PAM: variants seen among roughly 807,000 people sequenced by gnomAD.
PAM encodes the protein peptidyl-glycine alpha-amidating monooxygenase.
A neutral mutation model predicts 122.1 loss-of-function variants in PAM; 72 were observed. That is an observed-to-expected ratio of 0.59 (90% CI 0.49 to 0.72). The LOEUF (loss-of-function observed/expected upper bound fraction) is 0.72. Ranked by LOEUF, PAM falls within the 30% of genes least tolerant of loss-of-function variation. PAM has a pLI of 0.00. For missense variants in PAM, 1,106 were observed against 1,183.7 expected (o/e 0.93, Z 0.96); for synonymous variants, 389 against 404.4 (o/e 0.96, Z 0.46).
chr5:102,987,936 C>G (rs747471158), intron 15 of PAM, among the ~76,000 whole-genome samples: 1 of 152,134 alleles, frequency 6.6e-6, no homozygotes, highest in Non-Finnish European at 1.5e-5. Flanking sequence ...AAATTATTCC[C>G]TCTGTGCTTT....
At chr5:102,790,139 A>T (rs548442448) in intron 1 of PAM, among the ~76,000 whole-genome samples, 1 of 152,272 alleles carries the variant, frequency 6.6e-6, no homozygotes, top group Non-Finnish European at 1.5e-5. Context: ...TGTGCAAAAT[A>T]ATCAGCTTAA....
Position 102,882,082 on chromosome 5 carries a change from T to C in PAM, c.210+14689T>C, listed in dbSNP as rs1395001956. 6.0e-4 allele frequency among the ~76,000 whole-genome samples: 36 copies of C among 60,270 alleles called. 3 individuals carry two copies. The East Asian group carries it at 0.016, about 27-fold the overall frequency. The allele number at this position is 60,270 out of a possible 152,430, so 39.5% of individuals were successfully genotyped here. ...ATATATATATATATATATATATATATATATATATATATATATATATATATA... is the reference window on the plus strand; with the variant it reads ...ATATATATATATATATATATATATACATATATATATATATATATATATATA... On this transcript the variant is annotated intron_variant, in intron 3 of 25. Coordinates refer to ENST00000438793, the MANE Select transcript of PAM (RefSeq NM_001177306.2).
intron 14 of PAM, among the ~76,000 whole-genome samples, chr5:102,962,752 A>C (rs1480365524): frequency 6.6e-6 from 1 of 151,756 alleles, no homozygotes; most frequent in Non-Finnish European, 1.5e-5. Flanking sequence ...AGGATGTAGG[A>C]GGTGTTATAT....
At chr5:102,815,591 C>T (rs1028102693) in intron 1 of PAM, among the ~76,000 whole-genome samples, 1 of 152,112 alleles carries the variant, frequency 6.6e-6, no homozygotes, top group African/African-American at 2.4e-5. Flanking sequence ...CTCTCTCTTG[C>T]TTAACTTTTA....
chr5:102,799,758 C>A (rs1053550229), intron 1 of PAM, among the ~76,000 whole-genome samples: 1 of 152,168 alleles, frequency 6.6e-6, no homozygotes, highest in East Asian at 1.9e-4. Context: ...CAGGAAGTCC[C>A]TACTATTTCA....
intron 1 of PAM, among the ~76,000 whole-genome samples, chr5:102,781,723 GT>G (rs1758982844): frequency 6.6e-6 from 1 of 152,178 alleles, no homozygotes; most frequent in African/African-American, 2.4e-5. Flanking sequence ...GGAAAAATAA[GT>G]GAGAAGGTCA....
At chr5:102,816,858 T>C (rs1410972344) in intron 1 of PAM, among the ~76,000 whole-genome samples, 1 of 152,296 alleles carries the variant, frequency 6.6e-6, no homozygotes, top group South Asian at 2.1e-4. Context: ...TAAATTCATA[T>C]TGCTGATTTG....
intron 1 of PAM, among the ~76,000 whole-genome samples, chr5:102,756,848 C>G (rs1750532210): frequency 6.6e-6 from 1 of 152,154 alleles, no homozygotes; most frequent in South Asian, 2.1e-4. Flanking sequence ...CATTTTCATT[C>G]CGCGATGCAC....
chr5:103,025,394 T>C (rs1259769979), intron 24 of PAM, 60 bp downstream of exon 24: 2 of 1,336,196 alleles, frequency 1.5e-6, no homozygotes, highest in South Asian at 2.3e-5. Context: ...TTGGCCTAAT[T>C]ATCCTCAGGA....
intron 1 of PAM, among the ~76,000 whole-genome samples, chr5:102,861,872 A>G (rs1784285063): frequency 6.6e-6 from 1 of 152,190 alleles, no homozygotes; most frequent in African/African-American, 2.4e-5. Context: ...AATATGTTAT[A>G]AAATATGCCT....
At chr5:102,824,314 T>A (rs1025519280) in intron 1 of PAM, among the ~76,000 whole-genome samples, 1 of 152,210 alleles carries the variant, frequency 6.6e-6, no homozygotes, top group African/African-American at 2.4e-5. Context: ...TAGTATTTAT[T>A]CATATCACAT....
chr5:102,949,722 T>A, intron 10 of PAM, 105 bp downstream of exon 10: 1 of 747,416 alleles, frequency 1.3e-6, no homozygotes, highest in Non-Finnish European at 2.4e-6. Context: ...TCAATGAAAG[T>A]GATTTCATAT....
chr5:103,028,152 C>T, intron 24 of PAM, 33 bp from the exon 25 acceptor site: 1 of 1,573,382 alleles, frequency 6.4e-7, no homozygotes, highest in Non-Finnish European at 8.7e-7. Context: ...ATGACTGGGA[C>T]TCATTTTGAA....
At chr5:102,843,166 G>A (rs921378406) in intron 1 of PAM, among the ~76,000 whole-genome samples, 2 of 152,166 alleles carry the variant, frequency 1.3e-5, no homozygotes, top group Non-Finnish European at 2.9e-5. Flanking sequence ...CACTAAATGT[G>A]ACATACATGA....
chr5:103,000,743 C>A (rs567020603), intron 16 of PAM, among the ~76,000 whole-genome samples: 1 of 152,108 alleles, frequency 6.6e-6, no homozygotes, highest in Admixed American at 6.5e-5. Context: ...AAGTGCCAAG[C>A]AAAAGGGGGA....
chr5:103,024,557 A>C (rs748525120), intron 23 of PAM, among the ~76,000 whole-genome samples: 1 of 152,168 alleles, frequency 6.6e-6, no homozygotes, highest in Non-Finnish European at 1.5e-5. Flanking sequence ...TGAAATACCA[A>C]AAATTAATTG....
Position 102,983,343 on chromosome 5 carries a change from G to A in PAM, c.1484-6929G>A, listed in dbSNP as rs901786335. ...CGTGTGCGTATAATTACAGCTACTC[G>A]GGAGGCTGAGGCATAAGAATCACTT... On this transcript the variant is annotated intron_variant, in intron 15 of 25. Transcript: ENST00000438793. Among the ~76,000 whole-genome samples, 21 of 151,220 alleles carry A rather than the reference G, an allele frequency of 1.4e-4. No homozygotes were observed. In the South Asian group the frequency reaches 3.1e-3, roughly 23 times the overall value.
intron 1 of PAM, among the ~76,000 whole-genome samples, chr5:102,798,685 TG>T (rs1322195089): frequency 6.6e-6 from 1 of 152,180 alleles, no homozygotes; most frequent in East Asian, 1.9e-4. Context: ...CTATGGCTCT[TG>T]CTAATAAAAA....
chr5:102,824,191 C>A (rs566238564), intron 1 of PAM, among the ~76,000 whole-genome samples: 2 of 151,998 alleles, frequency 1.3e-5, no homozygotes, highest in Non-Finnish European at 2.9e-5. Flanking sequence ...CTGTTGAGTT[C>A]GAGACTATGT....
Sources: allele counts gnomAD v4.1 joint callset (sites outside exome capture counted in the v4.1 genomes callset), GRCh38; gene constraint gnomAD v4.1.1; transcripts MANE v1.5; gene names NCBI Gene and HGNC (gene_info 2026-07-23, HGNC 2026-07-21).